KRT7: variants seen among roughly 807,000 people sequenced by gnomAD.
KRT7 encodes the protein keratin 7, also known as keratin, type II cytoskeletal 7.
Under a neutral mutation model 42.8 loss-of-function variants are expected in KRT7, and 50 were observed. That is an observed-to-expected ratio of 1.17 (90% confidence interval 0.93 to 1.48). The LOEUF (loss-of-function observed/expected upper bound fraction) is 1.48, where lower values mean the gene tolerates loss of function less well. KRT7 is among the 40% of genes most tolerant of loss of function. KRT7 has a pLI of 0.00. For synonymous variants in KRT7, 268 were observed against 266.3 expected, an observed-to-expected ratio of 1.01 and a Z score of -0.06; for missense variants, 588 against 637.6, an observed-to-expected ratio of 0.92 and a Z score of 0.84.
intron 7 of KRT7, chr12:52,246,069 A>C (rs1942165268): frequency 5.5e-6 from 1 of 183,370 alleles, no homozygotes; most frequent in Admixed American, 5.7e-5. Context: ...GCTGCTTCTC[A>C]CTACAGAACT....
chr12:52,248,727 C>A lies in KRT7; in HGVS notation c.1377C>A (p.Thr459=). 6.3e-7 allele frequency: 1 copy of A among 1,598,284 alleles called. No individual in the cohort carries two copies. Among genetic ancestry groups the A allele is most frequent in the Non-Finnish European group, 8.5e-7 (1 of 1,173,024 alleles). Residue 459 remains threonine, a synonymous_variant, in exon 9 of 9, where the codon ACC becomes ACA. Transcript: ENST00000331817. ...PGLLKAYSIR[T]ASASRRSARD is the part of the protein sequence containing the mutation. Reference sequence around the variant, plus strand: ...TCCTGAAGGCTTATTCCATCCGGACCGCATCCGCCAGTCGCAGGAGTGCCC... The same window carrying A: ...TCCTGAAGGCTTATTCCATCCGGACAGCATCCGCCAGTCGCAGGAGTGCCC...
chr12:52,244,897 A>G (rs1942145848), intron 6 of KRT7, among the ~76,000 whole-genome samples: 1 of 152,002 alleles, frequency 6.6e-6, no homozygotes, highest in Non-Finnish European at 1.5e-5. Flanking sequence ...GCCTGCTCTC[A>G]ACTGGTTCCT....
At chr12:52,239,901 C>T (rs1942061700) in intron 4 of KRT7, among the ~76,000 whole-genome samples, 1 of 152,178 alleles carries the variant, frequency 6.6e-6, no homozygotes, top group Non-Finnish European at 1.5e-5. Flanking sequence ...CAGTGTGAGT[C>T]TCTGGCCTTA....
chr12:52,248,542 C>T (rs376026254), intron 8 of KRT7, 49 bp from the exon 9 acceptor site: 1 of 1,516,216 alleles, frequency 6.6e-7, no homozygotes, highest in African/African-American at 1.4e-5. Context: ...GATGGGGTCC[C>T]TGGTAGGGAG....
In KRT7 at chr12:52,235,051, G is replaced by A; in HGVS notation, c.325-104G>A. On this transcript the variant is annotated intron_variant, in intron 1 of 8. Coordinates refer to ENST00000331817, the MANE Select transcript of KRT7 (RefSeq NM_005556.4). ...AAGCCCCAGGCAGGGAAACAGCCAG[G>A]GGGAGCATGGCTCTGCTAAGTGGCT... The A allele has an allele frequency of 2.8e-6, 3 of 1,074,302 alleles. No homozygotes were observed. In the Admixed American group the frequency reaches 6.0e-5, roughly 22 times the overall value. The allele number at this position is 1,074,302 out of a possible 1,614,324, so 66.5% of individuals were successfully genotyped here.
At position 52,241,405 on chromosome 12, in the gene KRT7, G is replaced by A. The variant is rs576827615; in HGVS notation, c.694-67G>A. Reference sequence around the variant, plus strand: ...CTCTTTTCTTTCCTTTGTGAGTGGGGAATCCCAGGGTGGGCGTGGGCATAG... The same window carrying A: ...CTCTTTTCTTTCCTTTGTGAGTGGGAAATCCCAGGGTGGGCGTGGGCATAG... On this transcript the variant is annotated intron_variant, in intron 4 of 8. Coordinates refer to ENST00000331817, the MANE Select transcript of KRT7 (RefSeq NM_005556.4). 3.7e-6 allele frequency: 5 copies of A among 1,351,452 alleles called. No individual in the cohort carries two copies. The African/African-American group carries it at 7.4e-5, about 20-fold the overall frequency. The allele number at this position is 1,351,452 out of a possible 1,614,324, so 83.7% of individuals were successfully genotyped here. A position where few individuals can be genotyped will look rare whatever the true frequency, so the allele number is the denominator to read the frequency against.
At chr12:52,236,927 T>A (rs1031300602) in intron 2 of KRT7, among the ~76,000 whole-genome samples, 2 of 152,150 alleles carry the variant, frequency 1.3e-5, no homozygotes, top group Non-Finnish European at 2.9e-5. Context: ...ACTTTGTGTA[T>A]CCCTCATCCT....
intron 6 of KRT7, chr12:52,244,706 T>TG: frequency 7.7e-6 from 7 of 913,580 alleles, no homozygotes; most frequent in Non-Finnish European, 9.2e-6. Flanking sequence ...CTCCTGGCAG[T>TG]GGGGGCTGAG....
chr12:52,236,203 C>CA (rs1006416181), intron 2 of KRT7, among the ~76,000 whole-genome samples: 25 of 150,862 alleles, frequency 1.7e-4, no homozygotes, highest in Admixed American at 1.2e-3. Context: ...GAGTGCCCCC[C>CA]CCCAACACTC....
chr12:52,251,785 A>G (rs1432872847), downstream of KRT7: 1 of 357,112 alleles, frequency 2.8e-6, no homozygotes, highest in Non-Finnish European at 5.5e-6. Context: ...AGAGTCTGCA[A>G]ACTACGGCCA....
chr12:52,246,015 C>G (rs2121103113), intron 7 of KRT7: 1 of 221,160 alleles, frequency 4.5e-6, no homozygotes, highest in East Asian at 1.4e-4. Flanking sequence ...AGAGTGCAGT[C>G]AGGGTGTGCT....
At chr12:52,250,913 C>T (rs533436896), downstream of KRT7, among the ~76,000 whole-genome samples, 3 of 152,238 alleles carry the variant, frequency 2.0e-5, no homozygotes, top group African/African-American at 4.8e-5. Flanking sequence ...AGTGCACATA[C>T]GCAAACCTAC....
In KRT7 at chr12:52,235,096, C is replaced by T. The variant is rs896335813; in HGVS notation, c.325-59C>T. 13 of 1,523,368 alleles carry T rather than the reference C, an allele frequency of 8.5e-6. No individual in the cohort carries two copies. The African/African-American group carries it at 1.1e-4, about 13-fold the overall frequency. The allele number at this position is 1,523,368 out of a possible 1,614,324, so 94.4% of individuals were successfully genotyped here. A position where few individuals can be genotyped will look rare whatever the true frequency, so the allele number is the denominator to read the frequency against. Reference sequence around the variant, plus strand: ...GTGGCTAAAGATGATGTTCCTCAATCCCGCTGTGGGTGGCACGCTCTGGCT... The same window carrying T: ...GTGGCTAAAGATGATGTTCCTCAATTCCGCTGTGGGTGGCACGCTCTGGCT... On this transcript the variant is annotated intron_variant, in intron 1 of 8. Transcript: ENST00000331817.
downstream of KRT7, chr12:52,253,315 C>T (rs1942295780): frequency 6.2e-7 from 1 of 1,612,788 alleles, no homozygotes; most frequent in Admixed American, 1.7e-5. Context: ...CGTGCCTGAT[C>T]ACCGTGGCCT....
rs569980586 is a variant in KRT7, at chr12:52,245,310, A to G, written c.985-102A>G. 33 of 1,164,222 alleles carry G rather than the reference A, an allele frequency of 2.8e-5. 1 individual carries two copies. The Admixed American group carries it at 3.1e-4, about 11-fold the overall frequency. The allele number at this position is 1,164,222 out of a possible 1,614,324, so 72.1% of individuals were successfully genotyped here. On this transcript the variant is annotated intron_variant, in intron 6 of 8. Coordinates refer to ENST00000331817, the MANE Select transcript of KRT7 (RefSeq NM_005556.4). ...GTACTTGGGGGAGTAGGTGGTGCCA[A>G]TGAAGCCACCTTAAGCAAGTTGCCC... is the stretch of plus-strand genomic sequence containing the variant.
In KRT7 at chr12:52,236,241, G is replaced by A. The variant is rs1942011309; in HGVS notation, c.536+875G>A. Reference sequence around the variant, plus strand: ...ACTTCCCTAGGGCAAAAGTCAACAGGATTAGTCCCATAGCAGGTGGAACCA... The same window carrying A: ...ACTTCCCTAGGGCAAAAGTCAACAGAATTAGTCCCATAGCAGGTGGAACCA... On this transcript the variant is annotated intron_variant, in intron 2 of 8. Transcript: ENST00000331817. Among the ~76,000 whole-genome samples, 4 of 151,598 alleles carry A rather than the reference G, an allele frequency of 2.6e-5. No individual in the cohort carries two copies. In the South Asian group the frequency reaches 8.4e-4, roughly 32 times the overall value.
downstream of KRT7, chr12:52,252,166 G>A: frequency 6.8e-7 from 1 of 1,461,742 alleles, no homozygotes. Flanking sequence ...CACATTCCAA[G>A]TAAATAATAT....
In KRT7 at chr12:52,237,535, C is replaced by G; in HGVS notation, c.563C>G (p.Thr188Arg). 1.2e-6 allele frequency: 2 copies of G among 1,612,278 alleles called. No homozygotes were observed. The highest frequency in any genetic ancestry group is 1.7e-6 in the Non-Finnish European group (2 of 1,178,924). Residue 188 changes from threonine to arginine, a missense_variant, in exon 3 of 9, where the codon ACA (threonine) becomes AGA (arginine). Physicochemically the swap from Thr to Arg is moderately conservative, Grantham distance 71. Transcript: ENST00000331817. ...NKYEDEINHRTAAENEFVVLK... is the reference protein window; with the variant it reads ...NKYEDEINHRRAAENEFVVLK... ...TACGAAGATGAAATTAACCACCGCA[C>G]AGCTGCTGAGAATGAGTTTGTGGTG...
At chr12:52,252,235 C>T (rs1202597536), downstream of KRT7, 5 of 1,612,672 alleles carry the variant, frequency 3.1e-6, no homozygotes, top group Non-Finnish European at 4.2e-6. Context: ...ACTGAGGGGA[C>T]ACCCTCCCCA....
Sources: allele counts gnomAD v4.1 joint callset (sites outside exome capture counted in the v4.1 genomes callset), GRCh38; gene constraint gnomAD v4.1.1; transcripts MANE v1.5; gene names NCBI Gene and HGNC (gene_info 2026-07-23, HGNC 2026-07-21).